B3GAT2: variants seen among roughly 807,000 people sequenced by gnomAD.
The protein encoded by B3GAT2 is beta-1,3-glucuronyltransferase 2, also known as galactosylgalactosylxylosylprotein 3-beta-glucuronosyltransferase 2.
A neutral mutation model predicts 27.8 loss-of-function variants in B3GAT2; 26 were observed. That is an observed-to-expected ratio of 0.93 (90% confidence interval 0.68 to 1.30). B3GAT2 has a LOEUF of 1.30. B3GAT2 is among the 50% of genes most tolerant of loss of function. The pLI, the probability that B3GAT2 is intolerant of heterozygous loss-of-function variation, is 0.00. For synonymous variants in B3GAT2, 218 were observed against 195.1 expected, an observed-to-expected ratio of 1.12 and a Z score of -0.98; for missense variants, 458 against 459.0, an observed-to-expected ratio of 1.00 and a Z score of 0.02.
intron 2 of B3GAT2, among the ~76,000 whole-genome samples, chr6:70,876,034 C>T (rs954871758): frequency 1.3e-5 from 2 of 152,148 alleles, no homozygotes; most frequent in African/African-American, 4.8e-5. Context: ...GTGGGCACAA[C>T]TAACACTGAA....
chr6:70,955,725 A>T, intron 1 of B3GAT2, 114 bp downstream of exon 1: 3 of 1,231,578 alleles, frequency 2.4e-6, no homozygotes, highest in Non-Finnish European at 3.2e-6. Flanking sequence ...GCGCGCACGG[A>T]GAACTGAGAA....
intron 1 of B3GAT2, among the ~76,000 whole-genome samples, chr6:70,951,923 C>A (rs1208764340): frequency 3.3e-5 from 5 of 151,854 alleles, no homozygotes; most frequent in Admixed American, 1.3e-4. Context: ...AAAGAATTAC[C>A]CTAAATAAAG....
rs374097239 is a variant in B3GAT2, at chr6:70,857,552, C to T, written c.*4111G>A. The T allele has an allele frequency of 4.1e-4, 84 of 207,146 alleles. No homozygotes were observed. Among genetic ancestry groups the T allele is most frequent in the Non-Finnish European group, 6.4e-4 (66 of 102,376 alleles). 12.8% of individuals were successfully genotyped at this position (207,146 alleles called of 1,614,324 possible). A position where few individuals can be genotyped will look rare whatever the true frequency, so the allele number is the denominator to read the frequency against. ...GGGCAGCCCACTACACCTATTGAAG[C>T]GAGATATAGTCAGCTCTCACTTCCC... is the stretch of plus-strand genomic sequence containing the variant. On this transcript the variant is annotated 3_prime_UTR_variant, in exon 4 of 4. Coordinates refer to ENST00000230053, the MANE Select transcript of B3GAT2 (RefSeq NM_080742.3).
chr6:70,899,378 C>G (rs1035963827), intron 1 of B3GAT2, among the ~76,000 whole-genome samples: 3 of 152,166 alleles, frequency 2.0e-5, no homozygotes, highest in Middle Eastern at 3.2e-3. Flanking sequence ...CATTCCTGTG[C>G]CAATTTCATG....
chr6:70,876,700 A>G (rs1419458965), intron 2 of B3GAT2, among the ~76,000 whole-genome samples: 1 of 152,168 alleles, frequency 6.6e-6, no homozygotes, highest in African/African-American at 2.4e-5. Flanking sequence ...TCCTTTTGAT[A>G]TTATTCACTC....
chr6:70,871,878 T>C (rs1221410374), intron 2 of B3GAT2, among the ~76,000 whole-genome samples: 1 of 151,932 alleles, frequency 6.6e-6, no homozygotes, highest in African/African-American at 2.4e-5. Flanking sequence ...TGTACCCCCA[T>C]AGGTTTTCAT....
At chr6:70,900,063 T>C (rs1772471078) in intron 1 of B3GAT2, among the ~76,000 whole-genome samples, 1 of 152,206 alleles carries the variant, frequency 6.6e-6, no homozygotes, top group African/African-American at 2.4e-5. Context: ...GTTATAATAT[T>C]ACAAACAGTT....
chr6:70,860,420 ATT>A lies in B3GAT2; in HGVS notation c.*1241_*1242del. The A allele has an allele frequency of 6.8e-7, 1 of 1,478,246 alleles. No homozygotes were observed. Among genetic ancestry groups the A allele is most frequent in the East Asian group, 2.3e-5 (1 of 42,842 alleles). The allele number at this position is 1,478,246 out of a possible 1,614,324, so 91.6% of individuals were successfully genotyped here. A position where few individuals can be genotyped will look rare whatever the true frequency, so the allele number is the denominator to read the frequency against. On this transcript the variant is annotated 3_prime_UTR_variant, in exon 4 of 4. Coordinates refer to ENST00000230053, the MANE Select transcript of B3GAT2 (RefSeq NM_080742.3). ...AGTTCCCCTGTTTATTCATATGCAT[ATT>A]TTTTTTCTTTTTACCCATTTGTTCA...
chr6:70,940,928 C>T (rs908688901), intron 1 of B3GAT2, among the ~76,000 whole-genome samples: 2 of 152,090 alleles, frequency 1.3e-5, no homozygotes, highest in African/African-American at 2.4e-5. Context: ...TAGCTTTCAC[C>T]GTTAGGAGTT....
intron 1 of B3GAT2, among the ~76,000 whole-genome samples, chr6:70,910,452 G>A (rs1265725103): frequency 6.6e-6 from 1 of 152,070 alleles, no homozygotes; most frequent in South Asian, 2.1e-4. Context: ...ACATTAGTTC[G>A]CTTAGAGTAT....
At chr6:70,872,045 T>C (rs1001075096) in intron 2 of B3GAT2, among the ~76,000 whole-genome samples, 1 of 152,042 alleles carries the variant, frequency 6.6e-6, no homozygotes, top group Non-Finnish European at 1.5e-5. Flanking sequence ...TTCATTCCAG[T>C]ATAAACCAAG....
chr6:70,864,673 C>G (rs1432309396), intron 2 of B3GAT2, among the ~76,000 whole-genome samples: 2 of 152,124 alleles, frequency 1.3e-5, no homozygotes, highest in Non-Finnish European at 2.9e-5. Context: ...ACTAGGTCAA[C>G]CCCTGGGTTA....
intron 1 of B3GAT2, among the ~76,000 whole-genome samples, chr6:70,936,111 T>C (rs1184357847): frequency 3.3e-5 from 5 of 151,570 alleles, no homozygotes; most frequent in Non-Finnish European, 7.4e-5. Context: ...TCCTAGTCTC[T>C]GATAAAACAG....
At chr6:70,936,853 C>G (rs1352445848) in intron 1 of B3GAT2, among the ~76,000 whole-genome samples, 1 of 151,994 alleles carries the variant, frequency 6.6e-6, no homozygotes, top group East Asian at 1.9e-4. Flanking sequence ...ACTAAAGAAG[C>G]AAGAGCAAAC....
At chr6:70,913,513 G>A (rs936116622) in intron 1 of B3GAT2, among the ~76,000 whole-genome samples, 1 of 152,160 alleles carries the variant, frequency 6.6e-6, no homozygotes, top group Non-Finnish European at 1.5e-5. Context: ...TGTATGTTTT[G>A]AATGATCTTC....
intron 2 of B3GAT2, among the ~76,000 whole-genome samples, chr6:70,872,978 C>T (rs966160678): frequency 6.6e-6 from 1 of 151,978 alleles, no homozygotes; most frequent in Non-Finnish European, 1.5e-5. Flanking sequence ...TTCTTTGCCC[C>T]TCATTTGTGC....
chr6:70,894,226 C>T lies in B3GAT2; in HGVS notation c.638G>A (p.Gly213Asp). ...CAGCGGACGTTCGTAGCGCCGCCCA[C>T]CAACCAGGCCCACAGGCCAGACGGA... Reference protein sequence around the residue: ...KVSVWPVGLVGGRRYERPLVE... With the variant: ...KVSVWPVGLVDGRRYERPLVE... The change falls in exon 2 of 4, where the codon GGT becomes GAT. Residue 213 changes from glycine (G) to aspartate (D), a missense_variant. Physicochemically the swap from Gly to Asp is moderately conservative, Grantham distance 94. Coordinates refer to ENST00000230053, the MANE Select transcript of B3GAT2 (RefSeq NM_080742.3). The T allele has an allele frequency of 6.2e-7, 1 of 1,613,632 alleles. No homozygotes were observed. The highest frequency in any genetic ancestry group is 8.5e-7 in the Non-Finnish European group (1 of 1,179,694).
intron 2 of B3GAT2, among the ~76,000 whole-genome samples, chr6:70,880,652 TA>T (rs1772086673): frequency 6.8e-6 from 1 of 147,852 alleles, no homozygotes; most frequent in Non-Finnish European, 1.5e-5. Flanking sequence ...CACAGCTGGC[TA>T]ATTTTTTTTT....
At chr6:70,931,005 T>C (rs1334218622) in intron 1 of B3GAT2, among the ~76,000 whole-genome samples, 1 of 152,016 alleles carries the variant, frequency 6.6e-6, no homozygotes, top group Non-Finnish European at 1.5e-5. Context: ...TATGCAGCCA[T>C]AAAAAAGAGT....
Sources: allele counts gnomAD v4.1 joint callset (sites outside exome capture counted in the v4.1 genomes callset), GRCh38; gene constraint gnomAD v4.1.1; transcripts MANE v1.5; gene names NCBI Gene and HGNC (gene_info 2026-07-23, HGNC 2026-07-21).